ANXA8: variants seen among roughly 807,000 people sequenced by gnomAD.
ANXA8 encodes the protein VAC-beta.
In ANXA8, 9 loss-of-function variants were observed where a neutral mutation model predicts 26.8. The ratio of observed to expected loss-of-function variants is 0.34; its 90% CI spans 0.20 to 0.59. ANXA8 has a LOEUF of 0.59. ANXA8 is among the 20% of genes least tolerant of loss of function. The pLI, the probability that ANXA8 is intolerant of heterozygous loss-of-function variation, is 0.84. For synonymous variants in ANXA8, 39 were observed against 94.8 expected (o/e 0.41, Z 3.42); for missense variants, 83 against 238.5 (o/e 0.35, Z 4.29).
the ANXA8 span, among the ~76,000 whole-genome samples, chr10:47,929,956 G>A: frequency 6.6e-6 from 1 of 152,158 alleles, no homozygotes. Context: ...TCATACTCAG[G>A]GCAAATTTCA....
the ANXA8 span, among the ~76,000 whole-genome samples, chr10:47,743,297 CATATATATATAT>C: frequency 1.8e-5 from 1 of 57,072 alleles, no homozygotes; most frequent in African/African-American, 5.6e-5. Context: ...TATATATACA[CATATATATATAT>C]ATACACATAT....
chr10:47,665,778 C>A, the ANXA8 span, among the ~76,000 whole-genome samples: 2 of 151,396 alleles, frequency 1.3e-5, no homozygotes, highest in South Asian at 2.1e-4. Flanking sequence ...GATTAAATTG[C>A]CCTTTGTTTA....
the ANXA8 span, among the ~76,000 whole-genome samples, chr10:47,959,793 C>T: frequency 2.7e-5 from 4 of 150,508 alleles, no homozygotes; most frequent in African/African-American, 7.4e-5. Context: ...TCTAGGTGAG[C>T]TCTATGACTT....
the ANXA8 span, chr10:47,567,945 T>C: frequency 1.5e-6 from 1 of 679,768 alleles, no homozygotes; most frequent in African/African-American, 2.0e-5. Flanking sequence ...ATCAACCTTC[T>C]CTTTCAGATG....
the ANXA8 span, among the ~76,000 whole-genome samples, chr10:47,682,000 C>T: frequency 6.7e-6 from 1 of 148,972 alleles, no homozygotes; most frequent in African/African-American, 2.5e-5. Flanking sequence ...AACTCTTATC[C>T]CATTGTCTCA....
the ANXA8 span, among the ~76,000 whole-genome samples, chr10:47,647,224 C>G: frequency 5.3e-4 from 80 of 152,214 alleles, no homozygotes; most frequent in African/African-American, 1.8e-3. Flanking sequence ...GTATAGGACT[C>G]TTGATAATAT....
chr10:47,647,021 G>A, the ANXA8 span, among the ~76,000 whole-genome samples: 5 of 152,186 alleles, frequency 3.3e-5, no homozygotes, highest in African/African-American at 7.2e-5. Flanking sequence ...TTTGGCTTAC[G>A]AATATGATTT....
the ANXA8 span, chr10:47,565,150 G>C: frequency 4.0e-6 from 3 of 741,124 alleles, no homozygotes; most frequent in South Asian, 2.8e-5. Flanking sequence ...TGGAGGACCA[G>C]AGCAGCCCGA....
the ANXA8 span, chr10:47,563,549 A>G: frequency 1.2e-6 from 1 of 827,154 alleles, no homozygotes; most frequent in Non-Finnish European, 2.1e-6. Flanking sequence ...TTTGTTCTAA[A>G]TATATCCCCT....
At chr10:47,647,323 C>A in the ANXA8 span, among the ~76,000 whole-genome samples, 9 of 151,004 alleles carry the variant, frequency 6.0e-5, no homozygotes, top group Admixed American at 2.6e-4. Flanking sequence ...TTTGTTTTCA[C>A]ATTAAATGGG....
the ANXA8 span, among the ~76,000 whole-genome samples, chr10:47,660,717 A>G: frequency 7.0e-6 from 1 of 142,718 alleles, no homozygotes; most frequent in Non-Finnish European, 1.5e-5. Flanking sequence ...GGTATTTTCT[A>G]TTGCATTTGA....
chr10:47,986,947 G>A, the ANXA8 span: 1 of 513,916 alleles, frequency 1.9e-6, no homozygotes, highest in East Asian at 4.0e-5. Context: ...TGGTCACGAG[G>A]GGGGACGCGA....
the ANXA8 span, among the ~76,000 whole-genome samples, chr10:47,660,043 C>T: frequency 2.0e-5 from 3 of 147,478 alleles, no homozygotes; most frequent in East Asian, 2.0e-4. Flanking sequence ...TTGAGAGCCA[C>T]CAAGCCCGGC....
At chr10:47,620,748 G>A in the ANXA8 span, among the ~76,000 whole-genome samples, 2 of 108,418 alleles carry the variant, frequency 1.8e-5, 1 homozygote, top group Non-Finnish European at 4.0e-5. Context: ...CCTAACTGAG[G>A]TTAGGAAGCA....
the ANXA8 span, among the ~76,000 whole-genome samples, chr10:47,574,028 T>G: frequency 8.3e-6 from 1 of 121,210 alleles, no homozygotes; most frequent in Non-Finnish European, 1.7e-5. Context: ...AAAGTAAAAT[T>G]TATAGGAAGA....
chr10:47,480,847 T>G (rs1839753031), intron 1 of ANXA8, among the ~76,000 whole-genome samples: 1 of 76,304 alleles, frequency 1.3e-5, no homozygotes, highest in Non-Finnish European at 2.6e-5. Context: ...CACCCATCCA[T>G]CTATGCACCC....
At chr10:47,949,644 T>C in the ANXA8 span, among the ~76,000 whole-genome samples, 1 of 150,648 alleles carries the variant, frequency 6.6e-6, no homozygotes, top group African/African-American at 2.5e-5. Flanking sequence ...GAAACAGAAG[T>C]ATATGGTTGT....
At chr10:47,727,492 G>A in the ANXA8 span, among the ~76,000 whole-genome samples, 1 of 150,858 alleles carries the variant, frequency 6.6e-6, no homozygotes, top group South Asian at 2.1e-4. Context: ...TTAGTTGGGG[G>A]TGTCTAGTAA....
the ANXA8 span, among the ~76,000 whole-genome samples, chr10:47,581,752 G>A: frequency 1.8e-3 from 264 of 147,620 alleles, 7 homozygotes; most frequent in African/African-American, 6.0e-3. Flanking sequence ...AACTACAGGC[G>A]CCTGCCACCA....
Sources: allele counts gnomAD v4.1 joint callset (sites outside exome capture counted in the v4.1 genomes callset), GRCh38; gene constraint gnomAD v4.1.1; transcripts MANE v1.5; gene names NCBI Gene and HGNC (gene_info 2026-07-23, HGNC 2026-07-21).